The following ELL2 variants were observed in gnomAD, a reference collection of about 807,000 sequenced individuals.
The protein encoded by ELL2 is elongation factor for RNA polymerase II 2.
ELL2 carries 21 observed loss-of-function variants against 72.8 expected under a neutral mutation model. That is an observed-to-expected ratio of 0.29 (90% CI 0.20 to 0.42). The LOEUF is 0.42. ELL2 is among the 10% of genes least tolerant of loss of function. ELL2 has a pLI of 1.00. For missense variants in ELL2, 568 were observed against 772.8 expected, an observed-to-expected ratio of 0.73 and a Z score of 3.14; for synonymous variants, 266 against 283.2, an observed-to-expected ratio of 0.94 and a Z score of 0.61.
At chr5:95,919,140 C>G (rs1280182719) in intron 3 of ELL2, among the ~76,000 whole-genome samples, 1 of 151,976 alleles carries the variant, frequency 6.6e-6, no homozygotes, top group African/African-American at 2.4e-5. Flanking sequence ...CTCAAATTGC[C>G]TTTAGTTTTC....
chr5:95,903,344 G>T (rs1749217149), intron 5 of ELL2, among the ~76,000 whole-genome samples: 1 of 149,758 alleles, frequency 6.7e-6, no homozygotes, highest in Non-Finnish European at 1.5e-5. Context: ...TCAGCCTCCT[G>T]AGTAGCTGGG....
chr5:95,890,907 TG>T, intron 10 of ELL2, 195 bp downstream of exon 10: 2 of 630,006 alleles, frequency 3.2e-6, no homozygotes, highest in Non-Finnish European at 5.4e-6. Context: ...TTTTTTCCAC[TG>T]GTAGAAATAC....
chr5:95,946,209 G>A (rs1181467821), intron 1 of ELL2, among the ~76,000 whole-genome samples: 1 of 152,168 alleles, frequency 6.6e-6, no homozygotes, highest in Non-Finnish European at 1.5e-5. Context: ...GGATGCTTTA[G>A]AAATACCCTG....
At chr5:95,924,646 C>T (rs113055758) in intron 2 of ELL2, among the ~76,000 whole-genome samples, 44 of 152,232 alleles carry the variant, frequency 2.9e-4, no homozygotes, top group African/African-American at 9.9e-4. Context: ...GTCTCGGCAA[C>T]TGGAAAAGCA....
chr5:95,929,129 T>C (rs922290618), intron 2 of ELL2, among the ~76,000 whole-genome samples: 1 of 152,214 alleles, frequency 6.6e-6, no homozygotes, highest in Non-Finnish European at 1.5e-5. Context: ...TGAGTCTCCA[T>C]GGTCCCCTCA....
intron 1 of ELL2, among the ~76,000 whole-genome samples, chr5:95,954,578 CTTTTCTTTTTTTT>C (rs1165575645): frequency 2.2e-4 from 22 of 100,480 alleles, no homozygotes; most frequent in South Asian, 1.7e-3. Flanking sequence ...GGCTAATTTT[CTTTTCTTTTTTTT>C]TTTTCTTTTT....
intron 8 of ELL2, 135 bp downstream of exon 8, chr5:95,898,105 A>C (rs1748944239): frequency 1.4e-6 from 1 of 734,466 alleles, no homozygotes; most frequent in Non-Finnish European, 2.0e-6. Flanking sequence ...AAAAAAAAAA[A>C]AAACTGCTCA....
At chr5:95,950,544 T>C (rs936678023) in intron 1 of ELL2, among the ~76,000 whole-genome samples, 1 of 152,042 alleles carries the variant, frequency 6.6e-6, no homozygotes, top group Non-Finnish European at 1.5e-5. Flanking sequence ...TTAGAAATAA[T>C]CCAAAACTAC....
intron 3 of ELL2, among the ~76,000 whole-genome samples, chr5:95,916,415 G>C (rs1749800930): frequency 6.6e-6 from 1 of 152,100 alleles, no homozygotes. Context: ...AAGAAAAGAA[G>C]ACCACATGAG....
intron 3 of ELL2, among the ~76,000 whole-genome samples, chr5:95,915,037 C>T (rs548075579): frequency 1.3e-5 from 2 of 152,268 alleles, no homozygotes; most frequent in South Asian, 4.1e-4. Context: ...GAAAGTGACA[C>T]TACAGCTCTG....
chr5:95,906,399 C>T (rs1749360674), intron 5 of ELL2, 124 bp downstream of exon 5: 1 of 1,043,730 alleles, frequency 9.6e-7, no homozygotes, highest in African/African-American at 1.6e-5. Flanking sequence ...TCACATACCA[C>T]TGATCAAAAT....
At position 95,948,877 on chromosome 5, in the gene ELL2, C is replaced by A. The variant is rs554092696; in HGVS notation, c.148-5828G>T. Among the ~76,000 whole-genome samples the A allele has an allele frequency of 4.8e-3, 731 of 152,314 alleles. 13 individuals are homozygous for A. The highest frequency in any genetic ancestry group is 5.5e-3 in the Non-Finnish European group (371 of 68,028). On this transcript the variant is annotated intron_variant, in intron 1 of 11. Coordinates refer to ENST00000237853, the MANE Select transcript of ELL2 (RefSeq NM_012081.6). The stretch of plus-strand genomic sequence containing the variant: ...TTGGCTAGGGAAACTCCTTCAACAA[C>A]CTGATAAAAGTGATGGTTTGCAGTC...
chr5:95,917,445 T>C (rs1749855803), intron 3 of ELL2, among the ~76,000 whole-genome samples: 1 of 152,202 alleles, frequency 6.6e-6, no homozygotes, highest in African/African-American at 2.4e-5. Flanking sequence ...TAAGAAAGCC[T>C]CTGACCTTGA....
At chr5:95,895,816 T>G in intron 8 of ELL2, 125 bp from the exon 9 acceptor site, 4 of 776,804 alleles carry the variant, frequency 5.1e-6, no homozygotes, top group South Asian at 4.8e-5. Flanking sequence ...TCCATCTCAA[T>G]AAGCAACAGT....
At chr5:95,891,481 A>G (rs191525434) in intron 9 of ELL2, among the ~76,000 whole-genome samples, 11 of 152,378 alleles carry the variant, frequency 7.2e-5, no homozygotes, top group Middle Eastern at 3.4e-3. Flanking sequence ...TCAACGAAGG[A>G]GAGTAAATGT....
chr5:95,954,017 C>G (rs1044010711), intron 1 of ELL2, among the ~76,000 whole-genome samples: 1 of 152,134 alleles, frequency 6.6e-6, no homozygotes, highest in African/African-American at 2.4e-5. Flanking sequence ...ATTTAAAATG[C>G]CCTGCTCAAA....
At chr5:95,937,904 G>A (rs73771808) in intron 2 of ELL2, among the ~76,000 whole-genome samples, 4,958 of 152,206 alleles carry the variant, frequency 0.033, 271 homozygotes, top group African/African-American at 0.11. Context: ...AGGTATGGCA[G>A]TGCGGGGGAT....
In ELL2 at chr5:95,923,672, C is replaced by T. The variant is rs540964892; in HGVS notation, c.196-4127G>A. Among the ~76,000 whole-genome samples the T allele has an allele frequency of 1.8e-3, 269 of 151,672 alleles. 1 individual carries two copies. Among genetic ancestry groups the T allele is most frequent in the Non-Finnish European group, 3.0e-3 (201 of 67,854 alleles). On this transcript the variant is annotated intron_variant, in intron 2 of 11. Coordinates refer to ENST00000237853, the MANE Select transcript of ELL2 (RefSeq NM_012081.6). Reference sequence around the variant, plus strand: ...ATCAATGCAGATGGTATGGTCTGAGCTAAGCCCAGGCCAATCAGAGTTCTA... The same window carrying T: ...ATCAATGCAGATGGTATGGTCTGAGTTAAGCCCAGGCCAATCAGAGTTCTA...
At chr5:95,913,174 G>T (rs368757459) in intron 4 of ELL2, among the ~76,000 whole-genome samples, 1 of 152,120 alleles carries the variant, frequency 6.6e-6, no homozygotes, top group African/African-American at 2.4e-5. Flanking sequence ...GATGGGGGTC[G>T]GATAGGGTCT....
Sources: allele counts gnomAD v4.1 joint callset (sites outside exome capture counted in the v4.1 genomes callset), GRCh38; gene constraint gnomAD v4.1.1; transcripts MANE v1.5; gene names NCBI Gene and HGNC (gene_info 2026-07-23, HGNC 2026-07-21).